The following ZFR variants were observed in gnomAD, a reference collection of about 807,000 sequenced individuals.
ZFR encodes the protein zinc finger RNA binding protein, also known as zinc finger RNA-binding protein.
ZFR carries 19 observed loss-of-function variants against 130.7 expected under a neutral mutation model. The ratio of observed to expected loss-of-function variants is 0.15; its 90% CI spans 0.10 to 0.21. ZFR has a LOEUF of 0.21. Ranked by LOEUF, ZFR falls within the 10% of genes least tolerant of loss-of-function variation. The pLI is 1.00. For synonymous variants in ZFR, 466 were observed against 456.9 expected, an observed-to-expected ratio of 1.02 and a Z score of -0.25; for missense variants, 872 against 1,321.5, an observed-to-expected ratio of 0.66 and a Z score of 5.27.
At chr5:32,420,704 G>C (rs1384120799) in intron 2 of ZFR, among the ~76,000 whole-genome samples, 1 of 152,210 alleles carries the variant, frequency 6.6e-6, no homozygotes, top group African/African-American at 2.4e-5. Context: ...AGGAGGTGGT[G>C]ATATGTGAGC....
In ZFR at chr5:32,356,680, A is replaced by G. The variant is rs530854799; in HGVS notation, c.3046-741T>C. 3.7e-3 allele frequency among the ~76,000 whole-genome samples: 556 copies of G among 152,050 alleles called. 2 individuals carry two copies. The highest frequency in any genetic ancestry group is 4.8e-3 in the Non-Finnish European group (324 of 67,956). On this transcript the variant is annotated intron_variant, in intron 19 of 19. Transcript: ENST00000265069. The stretch of plus-strand genomic sequence containing the variant: ...GTGATCCGCCCGCCTCGGCCTCCCA[A>G]AGTTCTGGGATTACAGGCGTGAGCC...
At chr5:32,415,485 A>AGTGT (rs3065262) in intron 4 of ZFR, among the ~76,000 whole-genome samples, 25,992 of 135,858 alleles carry the variant, frequency 0.19, 2,733 homozygotes, top group Non-Finnish European at 0.23. Context: ...TCTGAAAAGG[A>AGTGT]GTGTGTGTGT....
At position 32,404,024 on chromosome 5, in the gene ZFR, CTGG is replaced by C. The variant is rs1561896261; in HGVS notation, c.1103_1105del (p.Thr368del). ...CCCACGAGTAGAACTGTTGCTGCTG[CTGG>C]TATTTTGTGAGGCTTTCAATGCAGC... On this transcript the variant is annotated inframe_deletion, in exon 7 of 20. Coordinates refer to ENST00000265069, the MANE Select transcript of ZFR (RefSeq NM_016107.5). The C allele has an allele frequency of 1.9e-6, 3 of 1,614,006 alleles. No individual in the cohort carries two copies. The highest frequency in any genetic ancestry group is 2.5e-6 in the Non-Finnish European group (3 of 1,179,938).
At chr5:32,384,631 A>G (rs932011074) in intron 15 of ZFR, among the ~76,000 whole-genome samples, 1 of 152,174 alleles carries the variant, frequency 6.6e-6, no homozygotes, top group African/African-American at 2.4e-5. Flanking sequence ...CTGTTATTCC[A>G]TACTCAACAA....
intron 1 of ZFR, 89 bp downstream of exon 1, chr5:32,444,533 C>G: frequency 7.2e-7 from 1 of 1,398,230 alleles, no homozygotes; most frequent in South Asian, 1.6e-5. Context: ...CGCCTCCTCC[C>G]CGGAGCCTGC....
At chr5:32,363,845 C>A in intron 19 of ZFR, 103 bp downstream of exon 19, 2 of 943,660 alleles carry the variant, frequency 2.1e-6, no homozygotes, top group Non-Finnish European at 3.0e-6. Context: ...AGCAGAAGAA[C>A]GAATATTATA....
At chr5:32,421,576 T>TGGA (rs139798203) in intron 2 of ZFR, among the ~76,000 whole-genome samples, 2,857 of 152,258 alleles carry the variant, frequency 0.019, 87 homozygotes, top group African/African-American at 0.066. Flanking sequence ...GGAGGACACC[T>TGGA]GGAGAAATTC....
At chr5:32,385,357 T>C (rs1035105495) in intron 15 of ZFR, 151 bp downstream of exon 15, 8 of 801,652 alleles carry the variant, frequency 1.0e-5, no homozygotes, top group African/African-American at 8.7e-5. Flanking sequence ...TGGGAAATTA[T>C]CTTAGGCAAA....
intron 15 of ZFR, among the ~76,000 whole-genome samples, chr5:32,385,099 A>C (rs1437319051): frequency 1.3e-5 from 2 of 152,092 alleles, no homozygotes; most frequent in Non-Finnish European, 2.9e-5. Context: ...TTGTTTGTGA[A>C]AACTCTTGTC....
intron 19 of ZFR, among the ~76,000 whole-genome samples, chr5:32,359,520 G>A (rs1019867055): frequency 1.3e-5 from 2 of 152,166 alleles, no homozygotes; most frequent in Non-Finnish European, 2.9e-5. Flanking sequence ...AAAATGTACT[G>A]ATACTGTAGC....
intron 10 of ZFR, among the ~76,000 whole-genome samples, 178 bp from the exon 11 acceptor site, chr5:32,395,482 T>C (rs550792296): frequency 1.3e-5 from 2 of 152,298 alleles, no homozygotes; most frequent in South Asian, 4.1e-4. Context: ...AATACATTAA[T>C]AAAAATTATG....
chr5:32,439,112 A>G (rs1297042038), intron 2 of ZFR, among the ~76,000 whole-genome samples: 3 of 152,242 alleles, frequency 2.0e-5, no homozygotes, highest in African/African-American at 7.2e-5. Flanking sequence ...TTTTATCATC[A>G]GTGTAATAGC....
At position 32,355,756 on chromosome 5, in the gene ZFR, CT is replaced by C; in HGVS notation, c.*3del. On this transcript the variant is annotated 3_prime_UTR_variant, in exon 20 of 20. Transcript: ENST00000265069. ...TTTTAACACTGAAGATTTACAGACACTTTTTAAAAGTTATCATAATCTTTTT... is the reference window on the plus strand; with the variant it reads ...TTTTAACACTGAAGATTTACAGACACTTTTAAAAGTTATCATAATCTTTTT... 6.4e-7 allele frequency: 1 copy of C among 1,571,586 alleles called. No homozygotes were observed. The highest frequency in any genetic ancestry group is 8.6e-7 in the Non-Finnish European group (1 of 1,163,288).
chr5:32,399,673 C>T (rs1029342677), intron 9 of ZFR, among the ~76,000 whole-genome samples: 12 of 152,252 alleles, frequency 7.9e-5, no homozygotes, highest in African/African-American at 2.9e-4. Context: ...TTCTCTTTAT[C>T]AACATTTTTG....
intron 11 of ZFR, among the ~76,000 whole-genome samples, chr5:32,394,066 A>C (rs1478163963): frequency 6.6e-6 from 1 of 152,238 alleles, no homozygotes; most frequent in Non-Finnish European, 1.5e-5. Context: ...TAGTTTTTAA[A>C]GTTGAAGGTA....
At chr5:32,391,026 C>G (rs1753157372) in intron 11 of ZFR, among the ~76,000 whole-genome samples, 1 of 152,190 alleles carries the variant, frequency 6.6e-6, no homozygotes, top group Non-Finnish European at 1.5e-5. Flanking sequence ...CCATTCTCAT[C>G]GCCGTGGTTT....
At chr5:32,392,554 A>G (rs1753207058) in intron 11 of ZFR, among the ~76,000 whole-genome samples, 2 of 152,242 alleles carry the variant, frequency 1.3e-5, no homozygotes, top group South Asian at 4.1e-4. Flanking sequence ...ATAGCCAAAC[A>G]TGAAAACAAT....
Position 32,417,727 on chromosome 5 carries a change from T to C in ZFR, c.486A>G (p.Gln162=), listed in dbSNP as rs761897349. Reference sequence around the variant, plus strand: ...CAGCAGCAGCAGTTGCTGTTGGTTGTTGGTAGTATTGCTTACTATCATAAG... The same window carrying C: ...CAGCAGCAGCAGTTGCTGTTGGTTGCTGGTAGTATTGCTTACTATCATAAG... ...AVAYDSKQYY[Q]QPTATAAAVA... Residue 162 remains glutamine, a synonymous_variant, in exon 4 of 20, where the codon CAA becomes CAG. Coordinates refer to ENST00000265069, the MANE Select transcript of ZFR (RefSeq NM_016107.5). The C allele has an allele frequency of 1.2e-6, 2 of 1,614,002 alleles. No individual in the cohort carries two copies. Among genetic ancestry groups the C allele is most frequent in the East Asian group, 2.2e-5 (1 of 44,882 alleles).
At chr5:32,407,055 C>T in intron 5 of ZFR, 34 bp from the exon 6 acceptor site, 1 of 1,426,550 alleles carries the variant, frequency 7.0e-7, no homozygotes, top group Non-Finnish European at 9.2e-7. Context: ...AATTATGTTA[C>T]ATACTTATAG....
Sources: gnomAD v4.1 joint callset for allele counts (sites outside exome capture counted in the v4.1 genomes callset) on GRCh38, gnomAD v4.1.1 for gene constraint, MANE v1.5 for transcripts, NCBI Gene and HGNC (gene_info 2026-07-23, HGNC 2026-07-21) for gene names.